TTC13: variants seen among roughly 807,000 people sequenced by gnomAD.
TTC13 encodes tetratricopeptide repeat domain 13.
TTC13 carries 62 observed loss-of-function variants against 120.0 expected under a neutral mutation model. The observed-to-expected ratio is 0.52, with a 90% confidence interval of 0.42 to 0.64. TTC13 has a LOEUF of 0.64. Ranked by LOEUF, TTC13 falls within the 30% of genes least tolerant of loss-of-function variation. The probability of loss-of-function intolerance (pLI) is 0.00; values close to 1 mark genes in which losing one functional copy is unlikely to be tolerated. For synonymous variants in TTC13, 384 were observed against 393.5 expected (o/e 0.98, Z 0.28); for missense variants, 824 against 1,050.2 (o/e 0.78, Z 2.98).
rs1291945682 is a variant in TTC13, at chr1:230,961,096, A to T, written c.366+113T>A. 4.3e-6 allele frequency: 3 copies of T among 702,924 alleles called. No individual in the cohort carries two copies. In the East Asian group the frequency reaches 8.0e-5, roughly 19 times the overall value. 43.5% of individuals were successfully genotyped at this position (702,924 alleles called of 1,614,324 possible). A position where few individuals can be genotyped will look rare whatever the true frequency, so the allele number is the denominator to read the frequency against. On this transcript the variant is annotated intron_variant, in intron 2 of 22. Transcript: ENST00000366661. ...CAGACGACCTATCTTTATCCTATGC[A>T]TGTAGACTCAACGAGGCCCAACTTC...
rs1309600790 is a variant in TTC13, at chr1:230,942,328, C to T, written c.672+1478G>A. ...AAACACCAACTAAATACCAGCAAGT[C>T]TCATGCAGTGATAAACTATAGTCAC... is the stretch of plus-strand genomic sequence containing the variant. On this transcript the variant is annotated intron_variant, in intron 6 of 22. Transcript: ENST00000366661. This position sits in a 1 kb window ranked among gnomAD's most constrained non-coding sequence, Gnocchi z 4.0. Among the ~76,000 whole-genome samples the T allele has an allele frequency of 6.6e-6, 1 of 152,122 alleles. No individual in the cohort carries two copies. The highest frequency in any genetic ancestry group is 1.5e-5 in the Non-Finnish European group (1 of 68,018).
At chr1:230,971,074 G>T (rs961888614) in intron 1 of TTC13, among the ~76,000 whole-genome samples, 1 of 152,040 alleles carries the variant, frequency 6.6e-6, no homozygotes, top group African/African-American at 2.4e-5. Context: ...GGCCAGGCGC[G>T]GTGGCTCATG....
intron 9 of TTC13, among the ~76,000 whole-genome samples, chr1:230,933,076 G>A (rs574516917): frequency 2.0e-5 from 3 of 152,212 alleles, no homozygotes; most frequent in Non-Finnish European, 2.9e-5. Flanking sequence ...GGGTTCAAGC[G>A]ATTCTCCAGC....
intron 15 of TTC13, 124 bp downstream of exon 15, chr1:230,923,717 A>G (rs1672798529): frequency 4.1e-6 from 3 of 727,670 alleles, no homozygotes; most frequent in Non-Finnish European, 7.1e-6. Flanking sequence ...TGCAGAGTCA[A>G]TCAGTATGTT....
At chr1:230,931,260 G>A in intron 11 of TTC13, 38 bp downstream of exon 11, 1 of 1,598,594 alleles carries the variant, frequency 6.3e-7, no homozygotes, top group Non-Finnish European at 8.5e-7. Context: ...ACAGCTTTGA[G>A]CATGAAAATC....
At chr1:230,924,496 C>G (rs1672881146) in intron 14 of TTC13, among the ~76,000 whole-genome samples, 1 of 152,190 alleles carries the variant, frequency 6.6e-6, no homozygotes, top group Non-Finnish European at 1.5e-5. Context: ...CCACGCCCAG[C>G]TAATTTTTTG....
intron 16 of TTC13, among the ~76,000 whole-genome samples, chr1:230,921,083 T>C (rs928191862): frequency 6.6e-6 from 1 of 152,212 alleles, no homozygotes; most frequent in African/African-American, 2.4e-5. Context: ...GCTCATTGTT[T>C]TGTCTATCCC....
At chr1:230,918,921 G>T (rs1672302827) in intron 17 of TTC13, among the ~76,000 whole-genome samples, 1 of 152,154 alleles carries the variant, frequency 6.6e-6, no homozygotes, top group Admixed American at 6.5e-5. Context: ...TTGCACATTA[G>T]TGTTTAAACC....
rs1040003124 is a variant in TTC13, at chr1:230,945,461, A to G, written c.514-7T>C. 1 of 1,614,014 alleles carries G rather than the reference A, an allele frequency of 6.2e-7. No homozygotes were observed. Among genetic ancestry groups the G allele is most frequent in the Admixed American group, 1.7e-5 (1 of 60,026 alleles). The stretch of plus-strand genomic sequence containing the variant: ...TAACCAGATCAGGCTCCTCCTAGTC[A>G]GACCAAAACAAAAACACGTCAAAAA... On this transcript the variant is annotated splice_region_variant and splice_polypyrimidine_tract_variant and intron_variant, in intron 4 of 22. Transcript: ENST00000366661.
intron 11 of TTC13, among the ~76,000 whole-genome samples, chr1:230,930,421 A>G (rs7533671): frequency 0.68 from 103,688 of 151,972 alleles, 35,478 homozygotes; most frequent in Admixed American, 0.72. Flanking sequence ...CAGTCATGGT[A>G]TAAAGGGCTC....
At chr1:230,908,315 G>T in intron 22 of TTC13, 1 of 433,050 alleles carries the variant, frequency 2.3e-6, no homozygotes, top group South Asian at 1.7e-5. Context: ...AGCCTCCCAA[G>T]TACTTGGGAC....
intron 1 of TTC13, among the ~76,000 whole-genome samples, chr1:230,970,801 C>T (rs1353495501): frequency 6.6e-6 from 1 of 152,128 alleles, no homozygotes; most frequent in Non-Finnish European, 1.5e-5. Flanking sequence ...ACTTATCACT[C>T]GACCACCTAG....
Position 230,931,895 on chromosome 1 carries a change from G to A in TTC13, c.984-18C>T, listed in dbSNP as rs752439867. 1.6e-5 allele frequency: 26 copies of A among 1,611,550 alleles called. No homozygotes were observed. The South Asian group carries it at 2.5e-4, about 16-fold the overall frequency. On this transcript the variant is annotated intron_variant, in intron 9 of 22. Coordinates refer to ENST00000366661, the MANE Select transcript of TTC13 (RefSeq NM_024525.5). ...CCAGTTCTCTAGGTATTTAATAATA[G>A]TTATGAATACAGTATAGATATTACG...
chr1:230,963,828 T>C (rs1395233160), intron 1 of TTC13, among the ~76,000 whole-genome samples: 2 of 151,870 alleles, frequency 1.3e-5, no homozygotes, highest in African/African-American at 4.8e-5. Flanking sequence ...GGAGTTTGTG[T>C]TGGAAAAGAA....
intron 1 of TTC13, among the ~76,000 whole-genome samples, chr1:230,977,582 C>T (rs1055137446): frequency 3.4e-5 from 5 of 149,152 alleles, no homozygotes; most frequent in Non-Finnish European, 4.5e-5. Flanking sequence ...CGTCTCATCT[C>T]AACTAAAAAA....
chr1:230,919,664 G>A (rs1355007029), intron 17 of TTC13, among the ~76,000 whole-genome samples: 1 of 152,138 alleles, frequency 6.6e-6, no homozygotes, highest in African/African-American at 2.4e-5. Context: ...TTTATTCTTT[G>A]TTAGGGCAGT....
intron 9 of TTC13, among the ~76,000 whole-genome samples, chr1:230,932,772 T>C (rs1673670977): frequency 6.6e-6 from 1 of 152,236 alleles, no homozygotes; most frequent in Admixed American, 6.5e-5. Context: ...AGCTCTTGAA[T>C]GTAATCCTTC....
chr1:230,973,798 C>T (rs1677993409), intron 1 of TTC13, among the ~76,000 whole-genome samples: 1 of 152,130 alleles, frequency 6.6e-6, no homozygotes, highest in Non-Finnish European at 1.5e-5. Flanking sequence ...AGCAGAGGGG[C>T]CGGGCGTGGT....
At chr1:230,946,459 T>C (rs1277547387) in intron 4 of TTC13, among the ~76,000 whole-genome samples, 1 of 152,172 alleles carries the variant, frequency 6.6e-6, no homozygotes, top group Admixed American at 6.5e-5. Context: ...CGCATTTAAA[T>C]TTTCCTAAAG....
Sources: gnomAD v4.1 joint callset for allele counts (sites outside exome capture counted in the v4.1 genomes callset) on GRCh38, gnomAD v4.1.1 for gene constraint, Gnocchi (gnomAD v3.1) non-coding constraint, MANE v1.5 for transcripts, NCBI Gene and HGNC (gene_info 2026-07-23, HGNC 2026-07-21) for gene names.